The following CEP41 variants were observed in gnomAD, a reference collection of about 807,000 sequenced individuals.
The protein encoded by CEP41 is centrosomal protein 41.
A neutral mutation model predicts 44.3 loss-of-function variants in CEP41; 32 were observed. The ratio of observed to expected loss-of-function variants is 0.72; its 90% CI spans 0.54 to 0.97. CEP41 has a LOEUF of 0.97. Among genes scored for constraint, CEP41 ranks in the 50% least tolerant of loss-of-function variants. The pLI is 0.00. For synonymous variants in CEP41, 151 were observed against 168.5 expected (o/e 0.90, Z 0.80); for missense variants, 432 against 455.2 (o/e 0.95, Z 0.46).
chr7:130,402,521 T>A, intron 7 of CEP41, 127 bp downstream of exon 7: 2 of 1,029,120 alleles, frequency 1.9e-6, no homozygotes, highest in South Asian at 2.6e-5. Flanking sequence ...TAGGATTCCA[T>A]AATGGATCCA....
intron 5 of CEP41, 146 bp from the exon 6 acceptor site, chr7:130,404,854 T>C (rs1796962520): frequency 1.3e-5 from 9 of 719,106 alleles, no homozygotes; most frequent in Non-Finnish European, 1.9e-5. Context: ...GTTCCCAAAG[T>C]GTAGTGGACC....
In CEP41 at chr7:130,401,960, A is replaced by C; in HGVS notation, c.575-12T>G. ...TGGGTAACTGTAAGCTGCAAAGAGAAGAAAAAGTTTAGGAAGTCTGTTGTT... is the reference window on the plus strand; with the variant it reads ...TGGGTAACTGTAAGCTGCAAAGAGACGAAAAAGTTTAGGAAGTCTGTTGTT... On this transcript the variant is annotated splice_polypyrimidine_tract_variant and intron_variant, in intron 7 of 10. Coordinates refer to ENST00000223208, the MANE Select transcript of CEP41 (RefSeq NM_018718.3). 3 of 1,598,562 alleles carry C rather than the reference A, an allele frequency of 1.9e-6. No homozygotes were observed. Among genetic ancestry groups the C allele is most frequent in the Non-Finnish European group, 2.6e-6 (3 of 1,166,018 alleles).
intron 2 of CEP41, chr7:130,419,408 T>C (rs1554421600): frequency 1.0e-6 from 1 of 985,288 alleles, no homozygotes; most frequent in African/African-American, 1.7e-5. Context: ...TGTAAACTGC[T>C]TACATCTTAA....
At chr7:130,409,219 GTTA>G (rs1797101752) in intron 5 of CEP41, among the ~76,000 whole-genome samples, 1 of 152,194 alleles carries the variant, frequency 6.6e-6, no homozygotes, top group African/African-American at 2.4e-5. Flanking sequence ...TCCTGAGTGA[GTTA>G]TTATCTGTGT....
rs147580764 is a variant in CEP41, at chr7:130,436,407, T to C, written c.33+4527A>G. On this transcript the variant is annotated intron_variant, in intron 1 of 10. Coordinates refer to ENST00000223208, the MANE Select transcript of CEP41 (RefSeq NM_018718.3). ...GTTAGGATGATGAGAGGGAAGAAAG[T>C]AGGTGTGACCAGAAGAGTAGCTTGG... is the stretch of plus-strand genomic sequence containing the variant. Among the ~76,000 whole-genome samples the C allele has an allele frequency of 1.1e-4, 17 of 152,160 alleles. No individual in the cohort carries two copies. The East Asian group carries it at 2.9e-3, about 26-fold the overall frequency.
chr7:130,404,526 G>A, intron 6 of CEP41, 38 bp downstream of exon 6: 1 of 1,591,344 alleles, frequency 6.3e-7, no homozygotes, highest in Non-Finnish European at 8.6e-7. Flanking sequence ...TTAATATAAA[G>A]GCAAAATGCA....
chr7:130,406,063 G>A (rs1796998853), intron 5 of CEP41, among the ~76,000 whole-genome samples: 1 of 152,042 alleles, frequency 6.6e-6, no homozygotes, highest in Non-Finnish European at 1.5e-5. Flanking sequence ...ATAAAAACAT[G>A]TTATGTATGT....
rs1227658176 is a variant in CEP41, at chr7:130,395,585, A to G, written c.*3306T>C. The stretch of plus-strand genomic sequence containing the variant: ...AACATAAAAGACAGAATCTATAGCC[A>G]ATAAACAACATGACAGAAACCAAAA... On this transcript the variant is annotated 3_prime_UTR_variant, in exon 11 of 11. Transcript: ENST00000223208. 1 of 454,018 alleles carries G rather than the reference A, an allele frequency of 2.2e-6. No individual in the cohort carries two copies. Among genetic ancestry groups the G allele is most frequent in the African/African-American group, 2.0e-5 (1 of 50,014 alleles). The allele number at this position is 454,018 out of a possible 1,614,324, so 28.1% of individuals were successfully genotyped here. A position where few individuals can be genotyped will look rare whatever the true frequency, so the allele number is the denominator to read the frequency against.
intron 5 of CEP41, among the ~76,000 whole-genome samples, chr7:130,410,558 G>A (rs1409410323): frequency 6.6e-6 from 1 of 152,266 alleles, no homozygotes; most frequent in South Asian, 2.1e-4. Flanking sequence ...TGCAGCTTGG[G>A]CCTCTCATCT....
rs1554415459 is a variant in CEP41, at chr7:130,397,801, A to G, written c.*1090T>C. 1 of 444,622 alleles carries G rather than the reference A, an allele frequency of 2.2e-6. No individual in the cohort carries two copies. Among genetic ancestry groups the G allele is most frequent in the Non-Finnish European group, 4.6e-6 (1 of 219,450 alleles). 27.5% of individuals were successfully genotyped at this position (444,622 alleles called of 1,614,324 possible). On this transcript the variant is annotated 3_prime_UTR_variant, in exon 11 of 11. Transcript: ENST00000223208. ...TGTCAGTCATTTAGCAATTCAATTA[A>G]TGCTGATTCAAAATTCCGGCCAAAA...
At position 130,396,343 on chromosome 7, in the gene CEP41, T is replaced by G; in HGVS notation, c.*2548A>C. On this transcript the variant is annotated 3_prime_UTR_variant, in exon 11 of 11. Coordinates refer to ENST00000223208, the MANE Select transcript of CEP41 (RefSeq NM_018718.3). ...CCTGAGCAGGAAAAGAAATCCAGGC[T>G]TTCTGACTGGAGAGCTGAGGCCCCC... is the stretch of plus-strand genomic sequence containing the variant. 1 of 454,088 alleles carries G rather than the reference T, an allele frequency of 2.2e-6. No homozygotes were observed. The highest frequency in any genetic ancestry group is 4.4e-6 in the Non-Finnish European group (1 of 226,768). 28.1% of individuals were successfully genotyped at this position (454,088 alleles called of 1,614,324 possible). A position where few individuals can be genotyped will look rare whatever the true frequency, so the allele number is the denominator to read the frequency against.
intron 2 of CEP41, among the ~76,000 whole-genome samples, chr7:130,424,917 TTATGA>T (rs1191720757): frequency 6.6e-6 from 1 of 152,164 alleles, no homozygotes; most frequent in East Asian, 1.9e-4. Flanking sequence ...AAAAGACAAG[TTATGA>T]ACTAGGAAAA....
intron 1 of CEP41, among the ~76,000 whole-genome samples, chr7:130,434,950 TAAAC>T (rs1449221917): frequency 6.6e-6 from 1 of 151,738 alleles, no homozygotes; most frequent in African/African-American, 2.4e-5. Flanking sequence ...AAAAAACAAA[TAAAC>T]AAAACTGTGA....
intron 1 of CEP41, among the ~76,000 whole-genome samples, chr7:130,438,513 C>T (rs894058290): frequency 2.6e-5 from 4 of 151,950 alleles, no homozygotes; most frequent in African/African-American, 7.3e-5. Context: ...GAGCTGAAAT[C>T]TCCCCACTGC....
In CEP41 at chr7:130,399,284, C is replaced by T. The variant is rs1796769484; in HGVS notation, c.974-245G>A. 2 of 537,998 alleles carry T rather than the reference C, an allele frequency of 3.7e-6. 1 individual carries two copies. The highest frequency in any genetic ancestry group is 4.0e-5 in the South Asian group (2 of 49,466). The allele number at this position is 537,998 out of a possible 1,614,324, so 33.3% of individuals were successfully genotyped here. On this transcript the variant is annotated intron_variant, in intron 10 of 10. Coordinates refer to ENST00000223208, the MANE Select transcript of CEP41 (RefSeq NM_018718.3). ...TTTTTTTTCCCTTCCTCTCCAACATCCCCAACAAACCTAGTCTGTCCTCCA... is the reference window on the plus strand; with the variant it reads ...TTTTTTTTCCCTTCCTCTCCAACATTCCCAACAAACCTAGTCTGTCCTCCA...
intron 1 of CEP41, 157 bp downstream of exon 1, chr7:130,440,777 G>A (rs1327375779): frequency 4.0e-4 from 198 of 500,638 alleles, no homozygotes; most frequent in South Asian, 1.1e-3. Context: ...CGGCCCCCAA[G>A]CCCGGCCCGC....
intron 2 of CEP41, chr7:130,419,911 C>A (rs1386586805): frequency 2.0e-6 from 2 of 985,250 alleles, no homozygotes; most frequent in Admixed American, 6.2e-5. Context: ...GTCTTACCTA[C>A]CTTACTAGAC....
At chr7:130,436,557 T>C (rs1797969321) in intron 1 of CEP41, among the ~76,000 whole-genome samples, 1 of 151,772 alleles carries the variant, frequency 6.6e-6, no homozygotes. Flanking sequence ...CAAATTTCTA[T>C]TTTCTAGTTT....
At chr7:130,433,647 A>G (rs1327865627) in intron 1 of CEP41, among the ~76,000 whole-genome samples, 1 of 152,214 alleles carries the variant, frequency 6.6e-6, no homozygotes, top group Non-Finnish European at 1.5e-5. Context: ...ACCACAGCCC[A>G]GCTATTTCAA....
Sources: gnomAD v4.1 joint callset for allele counts (sites outside exome capture counted in the v4.1 genomes callset) on GRCh38, gnomAD v4.1.1 for gene constraint, MANE v1.5 for transcripts, NCBI Gene and HGNC (gene_info 2026-07-23, HGNC 2026-07-21) for gene names.